The following PCDH11Y variants were observed in gnomAD, a reference collection of about 807,000 sequenced individuals.
PCDH11Y encodes the protein protocadherin-11 Y-linked.
For missense variants in PCDH11Y, 12 were observed against 224.8 expected (o/e 0.05, Z 6.05); for synonymous variants, 9 against 83.6 (o/e 0.11, Z 4.87).
At chrY:5,547,277 C>G (rs2053414023) in intron 3 of PCDH11Y, among the ~76,000 whole-genome samples, 1 of 29,822 alleles carries the variant, frequency 3.4e-5, no homozygotes, top group Non-Finnish European at 8.1e-5. Context: ...ATCTATCTAT[C>G]TATGTATCTA....
chrY:5,664,849 C>A (rs2053543754), intron 4 of PCDH11Y, among the ~76,000 whole-genome samples: 1 of 32,329 alleles, frequency 3.1e-5, no homozygotes, highest in Admixed American at 2.9e-4. Flanking sequence ...TGATCCTCCC[C>A]CTTCAGCCTA....
At chrY:5,062,771 G>T in intron 1 of PCDH11Y, among the ~76,000 whole-genome samples, 1 of 33,019 alleles carries the variant, frequency 3.0e-5, no homozygotes, top group Non-Finnish European at 7.5e-5. Flanking sequence ...ATCGTAAATA[G>T]TTCAATTCTG....
chrY:5,407,876 T>C lies in PCDH11Y; in HGVS notation c.3130-93181T>C. Among the ~76,000 whole-genome samples, 4 of 21,426 alleles carry C rather than the reference T, an allele frequency of 1.9e-4. No homozygotes were observed. In the Admixed American group the frequency reaches 1.9e-3, roughly 10 times the overall value. The allele number at this position is 21,426 out of a possible 37,273, so 57.5% of individuals were successfully genotyped here. A position where few individuals can be genotyped will look rare whatever the true frequency, so the allele number is the denominator to read the frequency against. Reference sequence around the variant, plus strand: ...TTGCAGTGAGCCGAGATCGCGCCACTGCGCTCCAGCCTGGGCGACAGAGCG... The same window carrying C: ...TTGCAGTGAGCCGAGATCGCGCCACCGCGCTCCAGCCTGGGCGACAGAGCG... On this transcript the variant is annotated intron_variant, in intron 2 of 4. Transcript: ENST00000400457.
intron 1 of PCDH11Y, among the ~76,000 whole-genome samples, chrY:5,089,704 A>G: frequency 3.0e-5 from 1 of 33,495 alleles, no homozygotes. Context: ...CAAATTTGTC[A>G]TTTACCAAAC....
chrY:5,630,331 T>A, intron 4 of PCDH11Y, among the ~76,000 whole-genome samples: 2 of 33,818 alleles, frequency 5.9e-5, no homozygotes, highest in Admixed American at 5.5e-4. Flanking sequence ...TATTAGTATC[T>A]GTGATATCTA....
At chrY:5,127,317 T>C (rs2052826602) in intron 2 of PCDH11Y, among the ~76,000 whole-genome samples, 1 of 31,819 alleles carries the variant, frequency 3.1e-5, no homozygotes, top group Non-Finnish European at 7.6e-5. Flanking sequence ...CCTCTTTTAC[T>C]GCCTCAGCTT....
At chrY:5,259,171 AGTCT>A (rs2053014928) in intron 2 of PCDH11Y, among the ~76,000 whole-genome samples, 2 of 33,161 alleles carry the variant, frequency 6.0e-5, no homozygotes, top group Non-Finnish European at 1.5e-4. Context: ...GTAAATTTTC[AGTCT>A]GTGTGTACGT....
At chrY:5,430,932 T>C in intron 2 of PCDH11Y, among the ~76,000 whole-genome samples, 1 of 32,433 alleles carries the variant, frequency 3.1e-5, no homozygotes, top group Non-Finnish European at 7.6e-5. Flanking sequence ...ATTTGGTAGA[T>C]TTTGGAAACT....
At chrY:5,174,654 G>T in intron 2 of PCDH11Y, among the ~76,000 whole-genome samples, 4 of 32,447 alleles carry the variant, frequency 1.2e-4, no homozygotes, top group Admixed American at 5.7e-4. Flanking sequence ...TGTTTTTCAG[G>T]TAGAAATAGT....
At chrY:5,541,861 A>G in intron 3 of PCDH11Y, among the ~76,000 whole-genome samples, 1 of 30,090 alleles carries the variant, frequency 3.3e-5, no homozygotes, top group South Asian at 7.7e-4. Context: ...AGCTTCCTAG[A>G]TGATATACTT....
At chrY:5,033,024 G>A (rs2052593612) in intron 3 of PCDH11Y, among the ~76,000 whole-genome samples, 1 of 32,545 alleles carries the variant, frequency 3.1e-5, no homozygotes, top group Admixed American at 2.8e-4. Context: ...GTTGTCCGTG[G>A]ATTGACAATT....
At chrY:5,302,370 TTAAAC>T (rs2053084276) in intron 2 of PCDH11Y, among the ~76,000 whole-genome samples, 1 of 32,292 alleles carries the variant, frequency 3.1e-5, no homozygotes, top group Admixed American at 2.9e-4. Context: ...TTGAGGGAAC[TTAAAC>T]TAAAGCTCAG....
chrY:5,135,040 C>G (rs2052837494), intron 2 of PCDH11Y, among the ~76,000 whole-genome samples: 68 of 33,605 alleles, frequency 2.0e-3, no homozygotes, highest in African/African-American at 7.7e-3. Flanking sequence ...AGGATTTAAC[C>G]TTACCTAGAA....
At chrY:5,482,435 A>T in intron 2 of PCDH11Y, among the ~76,000 whole-genome samples, 1 of 33,775 alleles carries the variant, frequency 3.0e-5, no homozygotes, top group African/African-American at 1.2e-4. Context: ...AAGCTCTGAT[A>T]TGTAGTGCAT....
At chrY:5,730,115 G>A in intron 4 of PCDH11Y, among the ~76,000 whole-genome samples, 1 of 32,170 alleles carries the variant, frequency 3.1e-5, no homozygotes, top group Non-Finnish European at 7.6e-5. Flanking sequence ...TTATTTTGTG[G>A]TTCCATATAA....
At chrY:5,591,152 A>G in intron 4 of PCDH11Y, among the ~76,000 whole-genome samples, 1 of 32,462 alleles carries the variant, frequency 3.1e-5, no homozygotes, top group Non-Finnish European at 7.5e-5. Flanking sequence ...CCATGTGTCA[A>G]GGGAAGGAGG....
intron 3 of PCDH11Y, among the ~76,000 whole-genome samples, chrY:5,509,371 A>G: frequency 7.1e-5 from 2 of 28,303 alleles, no homozygotes; most frequent in Non-Finnish European, 1.7e-4. Flanking sequence ...TGCAGAAAAA[A>G]CTGTAAACAT....
At chrY:5,555,263 C>T in intron 3 of PCDH11Y, among the ~76,000 whole-genome samples, 1 of 33,197 alleles carries the variant, frequency 3.0e-5, no homozygotes, top group South Asian at 6.8e-4. Context: ...TACTGAATGC[C>T]TGTTCCCCCA....
intron 3 of PCDH11Y, among the ~76,000 whole-genome samples, chrY:5,520,019 T>A (rs2053378535): frequency 5.0e-5 from 1 of 20,044 alleles, no homozygotes; most frequent in East Asian, 1.2e-3. Flanking sequence ...TTCAAGACCA[T>A]CTTGGCCAAC....
Sources: allele counts gnomAD v4.1 joint callset (sites outside exome capture counted in the v4.1 genomes callset), GRCh38; gene constraint gnomAD v4.1.1; transcripts MANE v1.5; gene names NCBI Gene and HGNC (gene_info 2026-07-23, HGNC 2026-07-21).